MPPED2: variants seen among roughly 807,000 people sequenced by gnomAD.
MPPED2 encodes metallophosphoesterase MPPED2.
In MPPED2, 5 loss-of-function variants were observed where a neutral mutation model predicts 33.0. The ratio of observed to expected loss-of-function variants is 0.15; its 90% CI spans 0.08 to 0.32. MPPED2 has a LOEUF of 0.32. Among genes scored for constraint, MPPED2 ranks in the 10% least tolerant of loss-of-function variants. The pLI, the probability that MPPED2 is intolerant of heterozygous loss-of-function variation, is 1.00. For missense variants in MPPED2, 275 were observed against 372.1 expected (o/e 0.74, Z 2.15); for synonymous variants, 136 against 141.9 (o/e 0.96, Z 0.29).
chr11:30,424,605 T>C (rs1948750500), intron 4 of MPPED2, among the ~76,000 whole-genome samples: 1 of 152,066 alleles, frequency 6.6e-6, no homozygotes, highest in East Asian at 1.9e-4. Flanking sequence ...GAAATAGCAG[T>C]TTTCCTGGCA....
At chr11:30,483,113 G>A (rs499293) in intron 4 of MPPED2, among the ~76,000 whole-genome samples, 113,121 of 152,156 alleles carry the variant, frequency 0.74, 42,878 homozygotes, top group East Asian at 0.92. Context: ...ATTTGCCTCC[G>A]GTAAGAATTA....
chr11:30,565,066 A>C (rs1377019840), intron 2 of MPPED2, among the ~76,000 whole-genome samples: 1 of 152,208 alleles, frequency 6.6e-6, no homozygotes, highest in Non-Finnish European at 1.5e-5. Flanking sequence ...AAAGAAAAAA[A>C]TGGGTAGAGA....
intron 4 of MPPED2, among the ~76,000 whole-genome samples, chr11:30,484,183 A>G (rs1360011014): frequency 6.6e-6 from 1 of 152,150 alleles, no homozygotes; most frequent in Non-Finnish European, 1.5e-5. Flanking sequence ...AAATATCTAA[A>G]TTAATCATTA....
At chr11:30,555,635 C>G (rs1158449857) in intron 2 of MPPED2, among the ~76,000 whole-genome samples, 1 of 152,212 alleles carries the variant, frequency 6.6e-6, no homozygotes, top group African/African-American at 2.4e-5. Context: ...TGCACATGCT[C>G]TCTTTCCTGC....
chr11:30,470,999 C>T (rs1273282949), intron 4 of MPPED2, among the ~76,000 whole-genome samples: 1 of 152,148 alleles, frequency 6.6e-6, no homozygotes, highest in Non-Finnish European at 1.5e-5. Flanking sequence ...TCAAACGTTT[C>T]TCACAATAGG....
intron 4 of MPPED2, among the ~76,000 whole-genome samples, chr11:30,432,854 G>C (rs1461814113): frequency 1.3e-5 from 2 of 152,196 alleles, no homozygotes. Flanking sequence ...TGGAGCTAAA[G>C]TGTCATGGTA....
intron 1 of MPPED2, 138 bp downstream of exon 1, chr11:30,585,904 C>G (rs1957446643): frequency 6.6e-6 from 1 of 152,246 alleles, no homozygotes; most frequent in African/African-American, 2.4e-5. Flanking sequence ...CCCTCGCACG[C>G]GCCTCTGACA....
rs146695813 is a variant in MPPED2 at position 30,556,704 on chromosome 11, G to A, written c.129-20529C>T. 1.8e-3 allele frequency among the ~76,000 whole-genome samples: 269 copies of A among 152,170 alleles called. 1 individual carries two copies. Among genetic ancestry groups the A allele is most frequent in the African/African-American group, 6.1e-3 (253 of 41,502 alleles). Reference sequence around the variant, plus strand: ...TGGGAATAACACCACTCACTTCCTAGGGTTATGATATAATATATTACAACA... The same window carrying A: ...TGGGAATAACACCACTCACTTCCTAAGGTTATGATATAATATATTACAACA... On this transcript the variant is annotated intron_variant, in intron 2 of 6. Coordinates refer to ENST00000358117, the MANE Select transcript of MPPED2 (RefSeq NM_001584.3).
intron 5 of MPPED2, among the ~76,000 whole-genome samples, chr11:30,416,488 A>G (rs1948365217): frequency 1.3e-5 from 2 of 152,214 alleles, no homozygotes; most frequent in African/African-American, 4.8e-5. Context: ...GGGGGGTAAC[A>G]TGGATAAAAA....
chr11:30,504,821 T>A (rs1264564772), intron 3 of MPPED2: 1 of 1,285,940 alleles, frequency 7.8e-7, no homozygotes, highest in East Asian at 5.6e-5. Context: ...ATGCTTGCAA[T>A]GGGAAACCAG....
rs1465406390 is a variant in MPPED2 at position 30,499,073 on chromosome 11, C to T, written c.311-3552G>A. ...TTCTAAGTGCCCCACACTCCAGCCACTACCTCCCCAAAGCAGCCATCACAA... is the reference window on the plus strand; with the variant it reads ...TTCTAAGTGCCCCACACTCCAGCCATTACCTCCCCAAAGCAGCCATCACAA... On this transcript the variant is annotated intron_variant, in intron 3 of 6. Coordinates refer to ENST00000358117, the MANE Select transcript of MPPED2 (RefSeq NM_001584.3). Among the ~76,000 whole-genome samples the T allele has an allele frequency of 2.0e-5, 3 of 152,324 alleles. No homozygotes were observed. The East Asian group carries it at 5.8e-4, about 29-fold the overall frequency.
In MPPED2 at chr11:30,411,349, C is replaced by G; in HGVS notation, c.*119G>C. On this transcript the variant is annotated 3_prime_UTR_variant, in exon 7 of 7. Transcript: ENST00000358117. ...CACAACCTCTAGCATCATTTGTGTT[C>G]CAACAATTTACAAAAAGAACTCACA... 7.2e-7 allele frequency: 1 copy of G among 1,389,784 alleles called. No homozygotes were observed. The highest frequency in any genetic ancestry group is 9.4e-7 in the Non-Finnish European group (1 of 1,060,150). 86.1% of individuals were successfully genotyped at this position (1,389,784 alleles called of 1,614,324 possible). A position where few individuals can be genotyped will look rare whatever the true frequency, so the allele number is the denominator to read the frequency against.
At chr11:30,486,023 A>C (rs1951729118) in intron 4 of MPPED2, among the ~76,000 whole-genome samples, 1 of 152,202 alleles carries the variant, frequency 6.6e-6, no homozygotes, top group African/African-American at 2.4e-5. Flanking sequence ...GGTGCTGGCA[A>C]AAGAGGAGCA....
chr11:30,442,084 A>T (rs554199574), intron 4 of MPPED2, among the ~76,000 whole-genome samples: 2 of 152,244 alleles, frequency 1.3e-5, no homozygotes, highest in Non-Finnish European at 2.9e-5. Context: ...TTCAAGACAC[A>T]TCGTTTAAGA....
intron 4 of MPPED2, among the ~76,000 whole-genome samples, chr11:30,467,081 C>T (rs774362674): frequency 6.6e-5 from 10 of 152,142 alleles, no homozygotes; most frequent in Non-Finnish European, 8.8e-5. Context: ...AGACCTCGTG[C>T]CCCTTTGCCT....
intron 6 of MPPED2, among the ~76,000 whole-genome samples, chr11:30,400,651 A>C (rs1001271943): frequency 2.0e-5 from 3 of 152,254 alleles, no homozygotes; most frequent in African/African-American, 7.2e-5. Context: ...TTTAATTCCC[A>C]AAATTTAACA....
intron 1 of MPPED2, among the ~76,000 whole-genome samples, chr11:30,581,283 G>A (rs1361827537): frequency 6.6e-6 from 1 of 152,122 alleles, no homozygotes; most frequent in African/African-American, 2.4e-5. Flanking sequence ...CTCATTCTTG[G>A]TGCAACGTAA....
At chr11:30,407,666 G>A (rs1458796638), downstream of MPPED2, among the ~76,000 whole-genome samples, 1 of 152,176 alleles carries the variant, frequency 6.6e-6, no homozygotes, top group Admixed American at 6.5e-5. Flanking sequence ...GAGCTCAGGA[G>A]CTGGAGACTG....
chr11:30,407,755 C>T (rs1948012736), downstream of MPPED2, among the ~76,000 whole-genome samples: 2 of 152,094 alleles, frequency 1.3e-5, no homozygotes, highest in Admixed American at 1.3e-4. Context: ...CCTGCAGTCG[C>T]AGCTACTCAG....
Sources: allele counts gnomAD v4.1 joint callset (sites outside exome capture counted in the v4.1 genomes callset), GRCh38; gene constraint gnomAD v4.1.1; transcripts MANE v1.5; gene names NCBI Gene and HGNC (gene_info 2026-07-23, HGNC 2026-07-21).